ATOSA: variants seen among roughly 807,000 people sequenced by gnomAD.
ATOSA encodes the protein atos homolog protein A.
chr15:52,643,561 G>A, the ATOSA span, among the ~76,000 whole-genome samples: 1 of 150,848 alleles, frequency 6.6e-6, no homozygotes, highest in Non-Finnish European at 1.5e-5. Context: ...GGACTTACAG[G>A]TGTGAGCCAC....
At chr15:52,639,193 T>A in the ATOSA span, among the ~76,000 whole-genome samples, 1 of 152,110 alleles carries the variant, frequency 6.6e-6, no homozygotes, top group African/African-American at 2.4e-5. Context: ...TCTTTGGGCC[T>A]GAAAATCAGA....
At chr15:52,599,885 C>T in the ATOSA span, among the ~76,000 whole-genome samples, 3 of 152,168 alleles carry the variant, frequency 2.0e-5, no homozygotes, top group African/African-American at 7.2e-5. Flanking sequence ...ACAGATTCCT[C>T]AATCCAACCT....
At chr15:52,591,198 G>A in the ATOSA span, among the ~76,000 whole-genome samples, 1 of 152,152 alleles carries the variant, frequency 6.6e-6, no homozygotes, top group Non-Finnish European at 1.5e-5. Flanking sequence ...ATGGCCAACA[G>A]GGACTCTGTT....
At chr15:52,635,187 C>A in the ATOSA span, among the ~76,000 whole-genome samples, 3 of 152,052 alleles carry the variant, frequency 2.0e-5, no homozygotes, top group Non-Finnish European at 4.4e-5. Flanking sequence ...AATAGAAACA[C>A]CCACAATTTT....
At chr15:52,640,879 A>T in the ATOSA span, among the ~76,000 whole-genome samples, 1 of 152,102 alleles carries the variant, frequency 6.6e-6, no homozygotes, top group South Asian at 2.1e-4. Context: ...ATTATGGAAA[A>T]CACTATGAAG....
At chr15:52,660,139 C>T in the ATOSA span, among the ~76,000 whole-genome samples, 1 of 152,170 alleles carries the variant, frequency 6.6e-6, no homozygotes, top group South Asian at 2.1e-4. Flanking sequence ...TTAGAACTTA[C>T]ATAGTAGTTG....
the ATOSA span, chr15:52,601,026 A>G: frequency 9.5e-7 from 1 of 1,048,742 alleles, no homozygotes; most frequent in Non-Finnish European, 1.4e-6. Flanking sequence ...ATTTATTGTT[A>G]AAGACCAGAA....
chr15:52,667,017 G>C, the ATOSA span, among the ~76,000 whole-genome samples: 1 of 152,054 alleles, frequency 6.6e-6, no homozygotes, highest in East Asian at 1.9e-4. Context: ...AGGCCCCAAA[G>C]TGTCAAATGT....
chr15:52,643,195 A>G, the ATOSA span, among the ~76,000 whole-genome samples: 3 of 152,174 alleles, frequency 2.0e-5, no homozygotes, highest in African/African-American at 7.2e-5. Context: ...ATGCATTAGG[A>G]GAATATTCCA....
At chr15:52,683,841 C>T in the ATOSA span, among the ~76,000 whole-genome samples, 1 of 152,220 alleles carries the variant, frequency 6.6e-6, no homozygotes, top group Admixed American at 6.5e-5. Context: ...ATCTTCCTGA[C>T]ACTGGGCTTC....
At chr15:52,677,705 C>CAACT in the ATOSA span, among the ~76,000 whole-genome samples, 1 of 152,220 alleles carries the variant, frequency 6.6e-6, no homozygotes, top group African/African-American at 2.4e-5. Context: ...CGAGCAAGTA[C>CAACT]AACTCTAAAA....
At chr15:52,659,908 C>T in the ATOSA span, among the ~76,000 whole-genome samples, 1 of 151,948 alleles carries the variant, frequency 6.6e-6, no homozygotes, top group African/African-American at 2.4e-5. Flanking sequence ...TGGTAACACA[C>T]TTAGAGTGAA....
chr15:52,652,034 T>A, the ATOSA span: 1 of 1,496,836 alleles, frequency 6.7e-7, no homozygotes, highest in African/African-American at 1.4e-5. Flanking sequence ...CCCGCTTCCC[T>A]CCGTGTAAGG....
chr15:52,594,401 T>C, the ATOSA span, among the ~76,000 whole-genome samples: 3 of 152,230 alleles, frequency 2.0e-5, no homozygotes, highest in Non-Finnish European at 1.5e-5. Context: ...TTCCCACTTA[T>C]GAGAAACATT....
At chr15:52,589,121 T>C in the ATOSA span, among the ~76,000 whole-genome samples, 3 of 152,194 alleles carry the variant, frequency 2.0e-5, no homozygotes, top group African/African-American at 7.2e-5. Context: ...ATTTGTCATA[T>C]GGTTATTTAA....
At chr15:52,588,316 G>A in the ATOSA span, among the ~76,000 whole-genome samples, 2 of 152,154 alleles carry the variant, frequency 1.3e-5, no homozygotes, top group Non-Finnish European at 2.9e-5. Flanking sequence ...AATCAATGGG[G>A]AAAAAGTGTA....
chr15:52,593,718 G>A, the ATOSA span: 4 of 1,553,790 alleles, frequency 2.6e-6, no homozygotes, highest in Non-Finnish European at 3.5e-6. Context: ...GGATCGAAAC[G>A]ATAGTTCAAG....
At chr15:52,651,911 G>C in the ATOSA span, 18 of 1,535,408 alleles carry the variant, frequency 1.2e-5, no homozygotes, top group African/African-American at 2.7e-5. Flanking sequence ...AACCATACTG[G>C]AATCCTTGTA....
chr15:52,621,679 ACT>A, the ATOSA span, among the ~76,000 whole-genome samples: 1 of 151,008 alleles, frequency 6.6e-6, no homozygotes, highest in South Asian at 2.1e-4. Flanking sequence ...CCCTGCATAC[ACT>A]CTCTCTTGCT....
Sources: allele counts gnomAD v4.1 joint callset (sites outside exome capture counted in the v4.1 genomes callset), GRCh38; gene constraint gnomAD v4.1.1; transcripts MANE v1.5; gene names NCBI Gene and HGNC (gene_info 2026-07-23, HGNC 2026-07-21).